The following PTPN9 variants were observed in gnomAD, a reference collection of about 807,000 sequenced individuals.
The protein encoded by PTPN9 is tyrosine-protein phosphatase non-receptor type 9.
Under a neutral mutation model 69.8 loss-of-function variants are expected in PTPN9, and 26 were observed. The ratio of observed to expected loss-of-function variants is 0.37; its 90% CI spans 0.27 to 0.52. The LOEUF (loss-of-function observed/expected upper bound fraction) is 0.52, where lower values mean the gene tolerates loss of function less well. PTPN9 is among the 20% of genes least tolerant of loss of function. PTPN9 has a pLI of 0.91. For synonymous variants in PTPN9, 274 were observed against 272.5 expected (o/e 1.01, Z -0.05); for missense variants, 549 against 740.3 (o/e 0.74, Z 3.00).
chr15:75,543,356 G>C (rs1191886228), intron 1 of PTPN9, among the ~76,000 whole-genome samples: 8 of 152,118 alleles, frequency 5.3e-5, no homozygotes, highest in Admixed American at 5.2e-4. Context: ...TGACAAGCTA[G>C]GTATTATTAA....
At chr15:75,469,380 A>G (rs1052428288) in intron 12 of PTPN9, among the ~76,000 whole-genome samples, 1 of 152,270 alleles carries the variant, frequency 6.6e-6, no homozygotes, top group South Asian at 2.1e-4. Flanking sequence ...AGAAAGGCCA[A>G]CATTTCCTAC....
chr15:75,533,967 G>A (rs117372916), intron 1 of PTPN9, among the ~76,000 whole-genome samples: 2,039 of 152,292 alleles, frequency 0.013, 18 homozygotes, highest in Non-Finnish European at 0.02. Context: ...AGCCAGACCT[G>A]TAAGAAACCT....
At chr15:75,541,717 T>C (rs2075009422) in intron 1 of PTPN9, among the ~76,000 whole-genome samples, 1 of 151,500 alleles carries the variant, frequency 6.6e-6, no homozygotes, top group Admixed American at 6.6e-5. Context: ...TTATTATTTT[T>C]TGTTTTTGAG....
At chr15:75,475,157 G>A (rs1435495285) in intron 9 of PTPN9, among the ~76,000 whole-genome samples, 1 of 152,142 alleles carries the variant, frequency 6.6e-6, no homozygotes, top group East Asian at 1.9e-4. Flanking sequence ...ATGGTCCTAA[G>A]GACAAAGGAT....
intron 1 of PTPN9, among the ~76,000 whole-genome samples, chr15:75,530,554 A>AC (rs1567506608): frequency 0.14 from 8,517 of 59,702 alleles, 2,371 homozygotes; most frequent in African/African-American, 0.25. Context: ...ATTATAATAT[A>AC]TTATATATTA....
intron 1 of PTPN9, among the ~76,000 whole-genome samples, chr15:75,539,829 G>A (rs1428907952): frequency 1.1e-4 from 3 of 28,198 alleles, no homozygotes; most frequent in Non-Finnish European, 2.1e-4. Context: ...GCACCACCAC[G>A]CCAGGCTAAC....
rs371184191 is a variant in PTPN9, at chr15:75,463,671, T to G, written c.*5098A>C. The G allele has an allele frequency of 6.6e-5, 10 of 152,278 alleles. No homozygotes were observed. In the East Asian group the frequency reaches 1.3e-3, roughly 21 times the overall value. The allele number at this position is 152,278 out of a possible 1,614,324, so 9.4% of individuals were successfully genotyped here. ...AGGTTTCAAGGTGCTAGATTTTTTT[T>G]CCCCCAAGAAAACATCTCCAAGTAA... On this transcript the variant is annotated 3_prime_UTR_variant, in exon 13 of 13. Transcript: ENST00000618819.
rs751366058 is a variant in PTPN9, at chr15:75,468,768, G to C, written c.*1C>G. On this transcript the variant is annotated 3_prime_UTR_variant, in exon 13 of 13. Transcript: ENST00000618819. ...CAACAGGTAGGAGGTTCGTAGGAGAGTTACTGACTCTCCACGGCCAGCAGG... is the reference window on the plus strand; with the variant it reads ...CAACAGGTAGGAGGTTCGTAGGAGACTTACTGACTCTCCACGGCCAGCAGG... 6.2e-7 allele frequency: 1 copy of C among 1,613,474 alleles called. No homozygotes were observed. The highest frequency in any genetic ancestry group is 1.1e-5 in the South Asian group (1 of 91,034).
At chr15:75,506,371 T>C (rs1451583509) in intron 6 of PTPN9, among the ~76,000 whole-genome samples, 1 of 152,186 alleles carries the variant, frequency 6.6e-6, no homozygotes, top group Non-Finnish European at 1.5e-5. Context: ...GTAGTAGTTA[T>C]TTTTGTCAAC....
intron 6 of PTPN9, among the ~76,000 whole-genome samples, chr15:75,508,418 G>A (rs1371698755): frequency 6.6e-6 from 1 of 151,620 alleles, no homozygotes; most frequent in African/African-American, 2.4e-5. Flanking sequence ...AAGGTATTCT[G>A]AGAAAAAAAA....
At chr15:75,520,313 T>TA (rs1433666502) in intron 4 of PTPN9, among the ~76,000 whole-genome samples, 7 of 150,902 alleles carry the variant, frequency 4.6e-5, no homozygotes, top group African/African-American at 1.2e-4. Flanking sequence ...AAAGAGAATT[T>TA]AAAAAAAAAG....
intron 7 of PTPN9, among the ~76,000 whole-genome samples, chr15:75,497,505 AAAAG>A (rs1427750256): frequency 6.6e-6 from 1 of 152,146 alleles, no homozygotes; most frequent in African/African-American, 2.4e-5. Context: ...GTCTCTCTTA[AAAAG>A]AAAGAAAAAG....
At chr15:75,524,359 C>A in intron 2 of PTPN9, 61 bp from the exon 3 acceptor site, 1 of 927,190 alleles carries the variant, frequency 1.1e-6, no homozygotes, top group Non-Finnish European at 1.7e-6. Flanking sequence ...AGGACAGCAC[C>A]ATGTAACCAC....
intron 1 of PTPN9, among the ~76,000 whole-genome samples, chr15:75,540,643 T>C (rs1294636534): frequency 6.6e-6 from 1 of 151,918 alleles, no homozygotes; most frequent in Non-Finnish European, 1.5e-5. Context: ...GTTTGTACTT[T>C]TCAGTTGCTG....
At chr15:75,575,175 G>C (rs2075166371) in intron 1 of PTPN9, among the ~76,000 whole-genome samples, 4 of 63,782 alleles carry the variant, frequency 6.3e-5, no homozygotes, top group South Asian at 4.6e-4. Context: ...GGGTTTCACT[G>C]TGTTAGCCAG....
intron 1 of PTPN9, among the ~76,000 whole-genome samples, chr15:75,534,498 A>AC (rs2074974917): frequency 6.6e-6 from 1 of 151,828 alleles, no homozygotes; most frequent in Non-Finnish European, 1.5e-5. Context: ...ACATGGTGAG[A>AC]CCCCATCTCT....
intron 7 of PTPN9, among the ~76,000 whole-genome samples, chr15:75,501,782 T>C (rs1328206042): frequency 6.6e-6 from 1 of 152,144 alleles, no homozygotes; most frequent in African/African-American, 2.4e-5. Flanking sequence ...TTTTCAACAG[T>C]CACAGCTCAC....
intron 7 of PTPN9, among the ~76,000 whole-genome samples, chr15:75,504,541 C>T (rs1326857021): frequency 1.6e-4 from 23 of 141,132 alleles, no homozygotes; most frequent in African/African-American, 4.5e-4. Context: ...CCCAGCCAGC[C>T]GCCCCGTCCA....
At chr15:75,494,910 G>C (rs2033565167) in intron 7 of PTPN9, among the ~76,000 whole-genome samples, 1 of 151,998 alleles carries the variant, frequency 6.6e-6, no homozygotes, top group Non-Finnish European at 1.5e-5. Context: ...TGTAGTCCCA[G>C]CTACTCAGGA....
Sources: gnomAD v4.1 joint callset for allele counts (sites outside exome capture counted in the v4.1 genomes callset) on GRCh38, gnomAD v4.1.1 for gene constraint, MANE v1.5 for transcripts, NCBI Gene and HGNC (gene_info 2026-07-23, HGNC 2026-07-21) for gene names.